FAM53B: variants seen among roughly 807,000 people sequenced by gnomAD.
FAM53B encodes the protein family with sequence similarity 53 member B.
Under a neutral mutation model 32.7 loss-of-function variants are expected in FAM53B, and 12 were observed. The ratio of observed to expected loss-of-function variants is 0.37; its 90% CI spans 0.24 to 0.59. The LOEUF is 0.59. Among genes scored for constraint, FAM53B ranks in the 20% least tolerant of loss-of-function variants. The pLI, the probability that FAM53B is intolerant of heterozygous loss-of-function variation, is 0.72. For missense variants in FAM53B, 477 were observed against 577.7 expected, an observed-to-expected ratio of 0.83 and a Z score of 1.79; for synonymous variants, 234 against 228.7, an observed-to-expected ratio of 1.02 and a Z score of -0.21.
chr10:124,676,783 C>T (rs1000105296), intron 4 of FAM53B, among the ~76,000 whole-genome samples: 1 of 152,192 alleles, frequency 6.6e-6, no homozygotes, highest in African/African-American at 2.4e-5. Context: ...ATACGGCTCT[C>T]AGAGGCTTCC....
At chr10:124,701,810 T>G (rs1011280970) in intron 2 of FAM53B, among the ~76,000 whole-genome samples, 1 of 152,218 alleles carries the variant, frequency 6.6e-6, no homozygotes, top group African/African-American at 2.4e-5. Context: ...AGGTGGGCCC[T>G]GTGCTGGGAA....
intron 4 of FAM53B, among the ~76,000 whole-genome samples, chr10:124,667,910 A>G (rs1462726903): frequency 6.6e-6 from 1 of 152,026 alleles, no homozygotes; most frequent in Non-Finnish European, 1.5e-5. Flanking sequence ...CTCCCACGAC[A>G]TGGGGAGGAG....
At chr10:124,724,724 C>T (rs958741215) in intron 1 of FAM53B, among the ~76,000 whole-genome samples, 6 of 152,194 alleles carry the variant, frequency 3.9e-5, no homozygotes, top group African/African-American at 1.4e-4. Context: ...CCAGCCGTGA[C>T]CCAAGCAGCT....
At position 124,682,757 on chromosome 10, in the gene FAM53B, TGA is replaced by T. The variant is rs1949781309; in HGVS notation, c.134-380_134-379del. Among the ~76,000 whole-genome samples, 1 of 152,244 alleles carries T rather than the reference TGA, an allele frequency of 6.6e-6. No homozygotes were observed. The highest frequency in any genetic ancestry group is 2.4e-5 in the African/African-American group (1 of 41,456). ...TGCCCTGAACCCTGCCCCTGGCTGA[TGA>T]GAGAGTCGGGACAAGACATCTGTTA... On this transcript the variant is annotated intron_variant, in intron 3 of 4. Transcript: ENST00000337318. The surrounding 1 kb of genome is among the most constrained non-coding windows in gnomAD (Gnocchi z 5.2).
chr10:124,680,181 G>A (rs114868112), intron 4 of FAM53B, among the ~76,000 whole-genome samples: 1,563 of 152,292 alleles, frequency 0.01, 26 homozygotes, highest in African/African-American at 0.035. Context: ...ATTGGCACAC[G>A]CCTAGAGCCA....
intron 1 of FAM53B, among the ~76,000 whole-genome samples, chr10:124,715,811 G>A (rs1049286510): frequency 3.9e-5 from 6 of 152,322 alleles, no homozygotes; most frequent in South Asian, 4.1e-4. Context: ...TGTGCTGCCC[G>A]CCTCAGCTAT....
intron 1 of FAM53B, among the ~76,000 whole-genome samples, chr10:124,740,606 G>T (rs1950194286): frequency 1.3e-5 from 2 of 152,136 alleles, no homozygotes; most frequent in Non-Finnish European, 2.9e-5. Context: ...TAATAAAGGT[G>T]ACTCAGCCAT....
At chr10:124,648,971 C>T (rs1262318708) in intron 4 of FAM53B, among the ~76,000 whole-genome samples, 1 of 152,232 alleles carries the variant, frequency 6.6e-6, no homozygotes, top group Non-Finnish European at 1.5e-5. Context: ...GGGATGAGAG[C>T]TGTATCCTAC....
chr10:124,644,797 G>T (rs1049681381), intron 4 of FAM53B, among the ~76,000 whole-genome samples: 3 of 152,196 alleles, frequency 2.0e-5, no homozygotes, highest in African/African-American at 7.2e-5. Flanking sequence ...CATTTGGGCT[G>T]GCTTTTCCAG....
At chr10:124,724,070 T>C (rs189629515) in intron 1 of FAM53B, among the ~76,000 whole-genome samples, 1 of 152,230 alleles carries the variant, frequency 6.6e-6, no homozygotes, top group African/African-American at 2.4e-5. Context: ...AAGTGTTCAA[T>C]TAGGTTTCCC....
intron 4 of FAM53B, among the ~76,000 whole-genome samples, chr10:124,631,636 C>T (rs1390141567): frequency 2.0e-5 from 3 of 152,218 alleles, no homozygotes. Context: ...CTCGGGCTGG[C>T]CTTTCCCAAG....
intron 4 of FAM53B, among the ~76,000 whole-genome samples, chr10:124,632,598 C>T (rs975503754): frequency 3.9e-5 from 6 of 152,220 alleles, no homozygotes; most frequent in Non-Finnish European, 7.3e-5. Flanking sequence ...GGGGCCACAT[C>T]GGGGTGCTGA....
chr10:124,670,750 C>G (rs1215767760), intron 4 of FAM53B, among the ~76,000 whole-genome samples: 1 of 152,230 alleles, frequency 6.6e-6, no homozygotes, highest in East Asian at 1.9e-4. Flanking sequence ...CCTGTCCCTC[C>G]AATCTAAAGC....
chr10:124,679,845 G>C (rs1017390627), intron 4 of FAM53B, among the ~76,000 whole-genome samples: 13 of 152,250 alleles, frequency 8.5e-5, no homozygotes, highest in Non-Finnish European at 1.8e-4. Flanking sequence ...AACCAAACGA[G>C]GTCAAGAAAT....
chr10:124,667,479 C>T (rs927531008), intron 4 of FAM53B: 9 of 736,990 alleles, frequency 1.2e-5, no homozygotes, highest in Non-Finnish European at 2.3e-5. Context: ...ACCTCACCTG[C>T]CAACAGTCAG....
chr10:124,698,451 G>A (rs1949889975), intron 2 of FAM53B, among the ~76,000 whole-genome samples: 1 of 152,138 alleles, frequency 6.6e-6, no homozygotes. Context: ...GACCAAGGGG[G>A]ACCTCAGGGC....
At chr10:124,718,226 G>A (rs886922772) in intron 1 of FAM53B, among the ~76,000 whole-genome samples, 1 of 152,088 alleles carries the variant, frequency 6.6e-6, no homozygotes, top group African/African-American at 2.4e-5. Context: ...ATAGGCACGA[G>A]AGGCACCAGG....
At chr10:124,631,026 G>A (rs1949387399) in intron 4 of FAM53B, among the ~76,000 whole-genome samples, 2 of 152,224 alleles carry the variant, frequency 1.3e-5, no homozygotes, top group African/African-American at 2.4e-5. Context: ...TGGTGCCAGA[G>A]CCAGGTATGC....
chr10:124,712,582 C>A (rs1392464843), intron 1 of FAM53B, among the ~76,000 whole-genome samples: 3 of 152,114 alleles, frequency 2.0e-5, no homozygotes, highest in African/African-American at 7.2e-5. Context: ...GTATTTAAGT[C>A]TTGTATTGTC....
Sources: gnomAD v4.1 joint callset for allele counts (sites outside exome capture counted in the v4.1 genomes callset) on GRCh38, gnomAD v4.1.1 for gene constraint, Gnocchi (gnomAD v3.1) non-coding constraint, MANE v1.5 for transcripts, NCBI Gene and HGNC (gene_info 2026-07-23, HGNC 2026-07-21) for gene names.